The following DNAH8 variants were observed in gnomAD, a reference collection of about 807,000 sequenced individuals.
The protein encoded by DNAH8 is axonemal beta dynein heavy chain 8.
A neutral mutation model predicts 562.1 loss-of-function variants in DNAH8; 382 were observed. The ratio of observed to expected loss-of-function variants is 0.68; its 90% CI spans 0.63 to 0.74. The LOEUF (loss-of-function observed/expected upper bound fraction) is 0.74. DNAH8 is among the 30% of genes least tolerant of loss of function. The pLI is 0.00. For missense variants in DNAH8, 5,203 were observed against 5,620.4 expected (o/e 0.93, Z 2.37); for synonymous variants, 1,881 against 1,919.4 (o/e 0.98, Z 0.52).
chr6:38,715,953 TATATA>T lies in DNAH8; in HGVS notation c.-35+539_-35+543del, dbSNP rs1336798344. On this transcript the variant is annotated intron_variant, in intron 1 of 92. Transcript: ENST00000327475. ...ATATATATATATATATATATATATA[TATATA>T]TATTTTTTTTTTTTTTTTGAGACGG... Among the ~76,000 whole-genome samples the T allele has an allele frequency of 6.0e-3, 176 of 29,196 alleles. 3 individuals carry two copies. Among genetic ancestry groups the T allele is most frequent in the East Asian group, 0.011 (14 of 1,312 alleles). 19.2% of individuals were successfully genotyped at this position (29,196 alleles called of 152,430 possible).
Position 38,834,644 on chromosome 6 carries a change from G to C in DNAH8, c.4365+3G>C, listed in dbSNP as rs1774128830. The C allele has an allele frequency of 6.2e-7, 1 of 1,603,978 alleles. No individual in the cohort carries two copies. Among genetic ancestry groups the C allele is most frequent in the Non-Finnish European group, 8.5e-7 (1 of 1,174,960 alleles). ...GCAACAGGCTACAGATATTTCAGGT[G>C]AAACCACATTTTTTTTGTTACATCG... On this transcript the variant is annotated splice_donor_region_variant and intron_variant, in intron 32 of 92. Coordinates refer to ENST00000327475, the MANE Select transcript of DNAH8 (RefSeq NM_001206927.2).
In DNAH8 at chr6:38,842,723, A is replaced by T. The variant is rs371941719; in HGVS notation, c.4665A>T (p.Arg1555Ser). The T allele has an allele frequency of 9.9e-6, 16 of 1,613,804 alleles. No individual in the cohort carries two copies. The Admixed American group carries it at 1.2e-4, about 12-fold the overall frequency. ...AAGCTTTTTTGGATCTCAAAAAGAG[A>T]ATTGATGATTTCAGTGAGTCATGTC... ...DWQAFLDLKK[R>S]IDDFSESCPL... The change falls in exon 35 of 93, where the codon AGA (arginine) becomes AGT (serine). Residue 1555 changes from arginine (R) to serine (S), a missense_variant. By Grantham distance (110) the Arg-to-Ser change is moderately radical. Coordinates refer to ENST00000327475, the MANE Select transcript of DNAH8 (RefSeq NM_001206927.2).
chr6:38,786,554 T>C (rs1769176738), intron 17 of DNAH8, among the ~76,000 whole-genome samples: 1 of 152,222 alleles, frequency 6.6e-6, no homozygotes. Context: ...CTGGATCTGA[T>C]TTTGTGGCTT....
chr6:38,935,097 C>T (rs952392071), intron 76 of DNAH8, among the ~76,000 whole-genome samples: 58 of 152,172 alleles, frequency 3.8e-4, no homozygotes, highest in Non-Finnish European at 6.0e-4. Context: ...TTTGTATTGG[C>T]AATCGGCTGT....
At chr6:38,768,819 A>T (rs1214286950) in intron 11 of DNAH8, among the ~76,000 whole-genome samples, 1 of 152,046 alleles carries the variant, frequency 6.6e-6, no homozygotes, top group African/African-American at 2.4e-5. Context: ...ACAACTTATC[A>T]TCTTCCTAGG....
chr6:39,030,722 G>A lies in DNAH8; in HGVS notation c.*330G>A, dbSNP rs533253193. 6.6e-6 allele frequency among the ~76,000 whole-genome samples: 1 copy of A among 152,302 alleles called. No homozygotes were observed. Among genetic ancestry groups the A allele is most frequent in the South Asian group, 2.1e-4 (1 of 4,826 alleles). On this transcript the variant is annotated 3_prime_UTR_variant, in exon 93 of 93. Coordinates refer to ENST00000327475, the MANE Select transcript of DNAH8 (RefSeq NM_001206927.2). The stretch of plus-strand genomic sequence containing the variant: ...GTGTTGATATGTGACATCCTAAAAA[G>A]AGCCTAGTAGTTGTAAACTTTTCCC...
intron 30 of DNAH8, among the ~76,000 whole-genome samples, chr6:38,830,634 C>CAAAAAAAA: frequency 1.1e-5 from 1 of 90,452 alleles, no homozygotes; most frequent in Non-Finnish European, 2.2e-5. Context: ...GACTCTATCT[C>CAAAAAAAA]AAAAAAAAAA....
intron 91 of DNAH8, among the ~76,000 whole-genome samples, chr6:39,016,830 T>C (rs1233596820): frequency 2.0e-5 from 3 of 152,202 alleles, no homozygotes; most frequent in African/African-American, 7.2e-5. Context: ...CCGTGCTACC[T>C]CAAGGACAAG....
chr6:38,720,445 C>A (rs1409603416), intron 1 of DNAH8, among the ~76,000 whole-genome samples: 2 of 152,178 alleles, frequency 1.3e-5, no homozygotes, highest in Non-Finnish European at 2.9e-5. Flanking sequence ...CTGGGATAAT[C>A]CTTTTAGGAC....
intron 32 of DNAH8, among the ~76,000 whole-genome samples, chr6:38,835,168 G>T (rs922471078): frequency 1.3e-5 from 2 of 152,088 alleles, no homozygotes; most frequent in African/African-American, 4.8e-5. Context: ...TTAATACTTT[G>T]CAAATTCATG....
chr6:38,939,021 G>A, intron 79 of DNAH8, 33 bp downstream of exon 79: 1 of 1,561,544 alleles, frequency 6.4e-7, no homozygotes, highest in Non-Finnish European at 8.7e-7. Flanking sequence ...GTGGTGTGTG[G>A]AGGATGTTGC....
In DNAH8 at chr6:38,761,608, C is replaced by T; in HGVS notation, c.1516-94C>T. On this transcript the variant is annotated intron_variant, in intron 10 of 92. Coordinates refer to ENST00000327475, the MANE Select transcript of DNAH8 (RefSeq NM_001206927.2). ...ACTGCACTTGGCCCATAGGTTTATT[C>T]TTTATCATATTTTTATGCTTGTGGT... 4 of 773,624 alleles carry T rather than the reference C, an allele frequency of 5.2e-6. 1 individual carries two copies. In the South Asian group the frequency reaches 9.9e-5, roughly 19 times the overall value. 47.9% of individuals were successfully genotyped at this position (773,624 alleles called of 1,614,324 possible). A position where few individuals can be genotyped will look rare whatever the true frequency, so the allele number is the denominator to read the frequency against.
At chr6:38,827,337 A>G (rs1002944755) in intron 29 of DNAH8, among the ~76,000 whole-genome samples, 7 of 152,174 alleles carry the variant, frequency 4.6e-5, no homozygotes, top group African/African-American at 1.7e-4. Flanking sequence ...CAGGACTTGG[A>G]TAGCCTTGGT....
At chr6:38,814,223 T>C in intron 25 of DNAH8, 94 bp downstream of exon 25, 1 of 746,948 alleles carries the variant, frequency 1.3e-6, no homozygotes, top group Non-Finnish European at 2.2e-6. Context: ...TTTGGTCCTA[T>C]GTCTTTTTTC....
At chr6:39,014,029 G>A (rs1174067448) in intron 91 of DNAH8, among the ~76,000 whole-genome samples, 1 of 152,040 alleles carries the variant, frequency 6.6e-6, no homozygotes, top group Non-Finnish European at 1.5e-5. Context: ...TTTGTGTAAA[G>A]CATACTTTGA....
chr6:38,938,148 C>T lies in DNAH8; in HGVS notation c.11738C>T (p.Thr3913Ile). ...GGAAGCATCCTCTACTTCCTCATCA[C>T]AGAGATGAGCATGGTCAACATCATG... ...TRGSILYFLI[T>I]EMSMVNIMYQ... The change falls in exon 78 of 93, where the codon ACA (threonine) becomes ATA (isoleucine). Residue 3913 changes from threonine (T) to isoleucine (I), a missense_variant. Thr to Ile is a moderately conservative substitution (Grantham distance 89, BLOSUM62 -1). Transcript: ENST00000327475. 3.7e-6 allele frequency: 6 copies of T among 1,614,118 alleles called. No individual in the cohort carries two copies. The highest frequency in any genetic ancestry group is 5.1e-6 in the Non-Finnish European group (6 of 1,180,018).
chr6:38,938,834 A>G lies in DNAH8; in HGVS notation c.11853A>G (p.Thr3951=), dbSNP rs115871283. ...EKSPLPQKRI[T]NIIEYLTYEV... ...CACCACTACCTCAAAAGAGAATTACAAATATTATCGAGTACCTGACATATG... is the reference window on the plus strand; with the variant it reads ...CACCACTACCTCAAAAGAGAATTACGAATATTATCGAGTACCTGACATATG... The change falls in exon 79 of 93, where the codon ACA becomes ACG. Residue 3951 remains threonine, a synonymous_variant. Coordinates refer to ENST00000327475, the MANE Select transcript of DNAH8 (RefSeq NM_001206927.2). 722 of 1,612,022 alleles carry G rather than the reference A, an allele frequency of 4.5e-4. 5 individuals are homozygous for G. In the African/African-American group the frequency reaches 8.6e-3, roughly 19 times the overall value.
intron 60 of DNAH8, 67 bp from the exon 61 acceptor site, chr6:38,898,191 A>T: frequency 7.2e-7 from 1 of 1,386,228 alleles, no homozygotes; most frequent in Non-Finnish European, 9.8e-7. Flanking sequence ...GAGTGTCTTT[A>T]CAATTGCTAC....
At position 38,951,502 on chromosome 6, in the gene DNAH8, G is replaced by T. The variant is rs1201447234; in HGVS notation, c.12433G>T (p.Ala4145Ser). 2 of 1,613,734 alleles carry T rather than the reference G, an allele frequency of 1.2e-6. No individual in the cohort carries two copies. Among genetic ancestry groups the T allele is most frequent in the South Asian group, 1.1e-5 (1 of 90,924 alleles). The change falls in exon 82 of 93, where the codon GCC (alanine) becomes TCC (serine). Residue 4145 changes from alanine (A) to serine (S), a missense_variant. This residue lies in a region of DNAH8 where 1,399 missense variants were observed against 1,518.4 expected (regional missense o/e 0.92). Coordinates refer to ENST00000327475, the MANE Select transcript of DNAH8 (RefSeq NM_001206927.2). ...CCCCACCAATCAAATTGATGCATTG[G>T]CCAAGAAACTGAAACTGGGTAAGAC... is the stretch of plus-strand genomic sequence containing the variant. ...SDPTNQIDALAKKLKLECRTI... is the reference protein window; with the variant it reads ...SDPTNQIDALSKKLKLECRTI...
Sources: allele counts gnomAD v4.1 joint callset (sites outside exome capture counted in the v4.1 genomes callset), GRCh38; gene constraint gnomAD v4.1.1; regional missense constraint gnomAD v4.1.1; transcripts MANE v1.5; gene names NCBI Gene and HGNC (gene_info 2026-07-23, HGNC 2026-07-21).